Variants in INKA2 observed in about 807,000 individuals in gnomAD.
INKA2 encodes inka box actin regulator 2, also known as PAK4-inhibitor INKA2.
In INKA2, 3 loss-of-function variants were observed where a neutral mutation model predicts 9.8. The observed-to-expected ratio is 0.31, with a 90% CI of 0.14 to 0.79. INKA2 has a LOEUF of 0.79. INKA2 is among the 30% of genes least tolerant of loss of function. INKA2 has a pLI of 0.62. For synonymous variants in INKA2, 147 were observed against 143.3 expected (o/e 1.03, Z -0.18); for missense variants, 392 against 384.4 (o/e 1.02, Z -0.17).
chr1:111,745,283 ATATATATATATT>A (rs1255915367), intron 1 of INKA2: 2 of 47,930 alleles, frequency 4.2e-5, no homozygotes, highest in Admixed American at 4.9e-4. Context: ...ATATATATAT[ATATATATATATT>A]TTTTTTTTTT....
chr1:111,738,908 TG>T (rs1412837698), intron 1 of INKA2, among the ~76,000 whole-genome samples: 2 of 152,204 alleles, frequency 1.3e-5, no homozygotes, highest in Non-Finnish European at 2.9e-5. Context: ...ATCTTCTCTC[TG>T]GGGTTCTCTG....
rs1202696854 is a variant in INKA2 at position 111,722,591 on chromosome 1, A to G, written c.*4377T>C. On this transcript the variant is annotated 3_prime_UTR_variant, in exon 2 of 2. Transcript: ENST00000357260. ...CCTCAAGCACCTTTTCTCCAAGCTC[A>G]GCCTTTCTCCACCTCCACACCCCCC... is the stretch of plus-strand genomic sequence containing the variant. 6.5e-6 allele frequency: 1 copy of G among 154,166 alleles called. No individual in the cohort carries two copies. Among genetic ancestry groups the G allele is most frequent in the Non-Finnish European group, 1.4e-5 (1 of 69,178 alleles). The allele number at this position is 154,166 out of a possible 1,614,324, so 9.5% of individuals were successfully genotyped here. A position where few individuals can be genotyped will look rare whatever the true frequency, so the allele number is the denominator to read the frequency against.
intron 1 of INKA2, among the ~76,000 whole-genome samples, chr1:111,728,081 C>A (rs1318627702): frequency 1.1e-5 from 1 of 93,942 alleles, no homozygotes; most frequent in African/African-American, 6.2e-5. Context: ...ACAGACATTT[C>A]ATCTCCCCAA....
rs986191321 is a variant in INKA2, at chr1:111,723,216, T to C, written c.*3752A>G. The C allele has an allele frequency of 3.3e-6, 2 of 604,944 alleles. No individual in the cohort carries two copies. The highest frequency in any genetic ancestry group is 5.9e-6 in the Non-Finnish European group (2 of 338,076). The allele number at this position is 604,944 out of a possible 1,614,324, so 37.5% of individuals were successfully genotyped here. On this transcript the variant is annotated 3_prime_UTR_variant, in exon 2 of 2. Coordinates refer to ENST00000357260, the MANE Select transcript of INKA2 (RefSeq NM_019099.5). The stretch of plus-strand genomic sequence containing the variant: ...ACCACGTAGGAAACGATGGTGTGAC[T>C]TGGGAAAGATGGAGGAGCCTCTCCC...
intron 1 of INKA2, chr1:111,754,238 T>C (rs1663475707): frequency 6.6e-6 from 1 of 152,214 alleles, no homozygotes; most frequent in Non-Finnish European, 1.5e-5. Flanking sequence ...GTGAGGGCAC[T>C]AAGAGGAAGG....
chr1:111,728,038 T>TACACACACACACACACACACAC (rs60867844), intron 1 of INKA2, among the ~76,000 whole-genome samples: 1,427 of 109,402 alleles, frequency 0.013, 45 homozygotes, highest in African/African-American at 0.027. Flanking sequence ...CCCCACCCCA[T>TACACACACACACACACACACAC]ACACACACAC....
rs1662783122 is a variant in INKA2, at chr1:111,726,899, C to T, written c.*69G>A. 2.7e-6 allele frequency: 4 copies of T among 1,470,588 alleles called. No homozygotes were observed. The highest frequency in any genetic ancestry group is 2.8e-5 in the African/African-American group (2 of 70,942). The allele number at this position is 1,470,588 out of a possible 1,614,324, so 91.1% of individuals were successfully genotyped here. On this transcript the variant is annotated 3_prime_UTR_variant, in exon 2 of 2. Transcript: ENST00000357260. The stretch of plus-strand genomic sequence containing the variant: ...TTCGAGAGCCATACCGCCCACCCTC[C>T]CTCCTCCCCAGGGGCCCAGCACTGG...
rs895043802 is a variant in INKA2 at position 111,739,265 on chromosome 1, T to C, written c.-23A>G. ...CATGCGCCCATTTGTCGGGTTCGGT[T>C]CAAACAGAGAGGGCCCGGGTGAAAC... On this transcript the variant is annotated 5_prime_UTR_variant, in exon 1 of 2. Transcript: ENST00000357260. 2.5e-6 allele frequency: 4 copies of C among 1,613,438 alleles called. No homozygotes were observed. Among genetic ancestry groups the C allele is most frequent in the Non-Finnish European group, 3.4e-6 (4 of 1,179,666 alleles).
At chr1:111,734,648 T>C (rs539374531) in intron 1 of INKA2, among the ~76,000 whole-genome samples, 3 of 152,238 alleles carry the variant, frequency 2.0e-5, no homozygotes, top group African/African-American at 7.2e-5. Flanking sequence ...TTTTACCCTA[T>C]GCTCTAGGCA....
intron 1 of INKA2, among the ~76,000 whole-genome samples, chr1:111,749,951 C>CTACT (rs1377581484): frequency 6.6e-6 from 1 of 152,076 alleles, no homozygotes; most frequent in African/African-American, 2.4e-5. Flanking sequence ...ATGAACCTCC[C>CTACT]TAATAAATCA....
At chr1:111,737,280 C>T (rs1196747590) in intron 1 of INKA2, among the ~76,000 whole-genome samples, 1 of 152,224 alleles carries the variant, frequency 6.6e-6, no homozygotes, top group Non-Finnish European at 1.5e-5. Context: ...ATGTGAAGCT[C>T]AGCTCAGTGC....
chr1:111,725,239 A>G lies in INKA2; in HGVS notation c.*1729T>C, dbSNP rs963421607. On this transcript the variant is annotated 3_prime_UTR_variant, in exon 2 of 2. Transcript: ENST00000357260. ...GAGGGTGGGAAGGAATCCTGCCTCT[A>G]ATTGCAGCTGTCACACCCCATCAGG... 2 of 152,242 alleles carry G rather than the reference A, an allele frequency of 1.3e-5. No individual in the cohort carries two copies. Among genetic ancestry groups the G allele is most frequent in the East Asian group, 1.9e-4 (1 of 5,190 alleles). The allele number at this position is 152,242 out of a possible 1,614,324, so 9.4% of individuals were successfully genotyped here. A position where few individuals can be genotyped will look rare whatever the true frequency, so the allele number is the denominator to read the frequency against.
At chr1:111,755,376 G>A in intron 1 of INKA2, 1 of 428,334 alleles carries the variant, frequency 2.3e-6, no homozygotes, top group Non-Finnish European at 4.1e-6. Context: ...CACAGCAGAT[G>A]GACACACCAG....
Position 111,724,043 on chromosome 1 carries a change from T to C in INKA2, c.*2925A>G, listed in dbSNP as rs1662709238. 6.6e-6 allele frequency: 1 copy of C among 152,288 alleles called. No homozygotes were observed. Among genetic ancestry groups the C allele is most frequent in the Non-Finnish European group, 1.5e-5 (1 of 68,052 alleles). The allele number at this position is 152,288 out of a possible 1,614,324, so 9.4% of individuals were successfully genotyped here. A position where few individuals can be genotyped will look rare whatever the true frequency, so the allele number is the denominator to read the frequency against. ...CCTTGGACAAGTTGCTTAACTTCTC[T>C]GAGCCTGTCCATGTAAAACAAGAGC... On this transcript the variant is annotated 3_prime_UTR_variant, in exon 2 of 2. Transcript: ENST00000357260.
upstream of INKA2, among the ~76,000 whole-genome samples, chr1:111,742,183 G>C (rs961014369): frequency 6.6e-6 from 1 of 152,218 alleles, no homozygotes; most frequent in African/African-American, 2.4e-5. Context: ...CTTCTGTGCT[G>C]CTGACAACAG....
chr1:111,736,562 T>A (rs1383878284), intron 1 of INKA2, among the ~76,000 whole-genome samples: 3 of 152,222 alleles, frequency 2.0e-5, no homozygotes, highest in Non-Finnish European at 4.4e-5. Flanking sequence ...GTGTGATTCT[T>A]GAAAGAAATT....
intron 1 of INKA2, among the ~76,000 whole-genome samples, chr1:111,748,743 T>G (rs569377548): frequency 5.3e-4 from 80 of 152,350 alleles, no homozygotes; most frequent in Admixed American, 4.8e-3. Flanking sequence ...AACAAGGTTC[T>G]GGGAGAGGTT....
rs574526787 is a variant in INKA2, at chr1:111,733,388, C to A, written c.58-5584G>T. On this transcript the variant is annotated intron_variant, in intron 1 of 1. Transcript: ENST00000357260. ...GAGAGGCCTGGGACCCCAAGGCTGGCTTTCATACTCCAGGCCAACGAGCTT... is the reference window on the plus strand; with the variant it reads ...GAGAGGCCTGGGACCCCAAGGCTGGATTTCATACTCCAGGCCAACGAGCTT... Among the ~76,000 whole-genome samples, 3 of 152,284 alleles carry A rather than the reference C, an allele frequency of 2.0e-5. No homozygotes were observed. In the East Asian group the frequency reaches 5.8e-4, roughly 29 times the overall value.
chr1:111,753,427 ACT>A (rs1300282750), intron 1 of INKA2, among the ~76,000 whole-genome samples: 1 of 152,204 alleles, frequency 6.6e-6, no homozygotes, highest in East Asian at 1.9e-4. Flanking sequence ...GGTCAACAAC[ACT>A]GTTATAACTT....
Sources: allele counts gnomAD v4.1 joint callset (sites outside exome capture counted in the v4.1 genomes callset), GRCh38; gene constraint gnomAD v4.1.1; transcripts MANE v1.5; gene names NCBI Gene and HGNC (gene_info 2026-07-23, HGNC 2026-07-21).